The following GABRR1 variants were observed in gnomAD, a reference collection of about 807,000 sequenced individuals.
The protein encoded by GABRR1 is gamma-aminobutyric acid type A receptor subunit rho1.
A neutral mutation model predicts 55.5 loss-of-function variants in GABRR1; 59 were observed. The observed-to-expected ratio is 1.06, with a 90% CI of 0.86 to 1.32. GABRR1 has a LOEUF of 1.32. Among genes scored for constraint, GABRR1 ranks in the 40% most tolerant of loss-of-function variants. The pLI, the probability that GABRR1 is intolerant of heterozygous loss-of-function variation, is 0.00. For missense variants in GABRR1, 602 were observed against 619.1 expected, an observed-to-expected ratio of 0.97 and a Z score of 0.29; for synonymous variants, 213 against 226.0, an observed-to-expected ratio of 0.94 and a Z score of 0.51.
intron 1 of GABRR1, among the ~76,000 whole-genome samples, chr6:89,211,031 G>C (rs1357601411): frequency 6.6e-6 from 1 of 152,130 alleles, no homozygotes. Context: ...ATGGTGTTGT[G>C]AGCATGGGAG....
chr6:89,198,162 T>C lies in GABRR1; in HGVS notation c.430A>G (p.Thr144Ala). 1 of 1,613,952 alleles carries C rather than the reference T, an allele frequency of 6.2e-7. No homozygotes were observed. The highest frequency in any genetic ancestry group is 1.1e-5 in the South Asian group (1 of 91,062). Residue 144 changes from threonine (T) to alanine (A), a missense_variant, in exon 5 of 10, where the codon ACG becomes GCG. Thr to Ala is a moderately conservative substitution (Grantham distance 58). Around this residue, in one of 3 missense-constraint regions of GABRR1, gnomAD observed 435 missense variants for 424.2 expected, o/e 1.03. Coordinates refer to ENST00000454853, the MANE Select transcript of GABRR1 (RefSeq NM_002042.5). ...TTCTTGACCAGCCGGCCGTCAAACG[T>C]CATGCTGAGGTTGTTGGTGCTTGGA... ...SFPSTNNLSM[T>A]FDGRLVKKIW...
intron 5 of GABRR1, among the ~76,000 whole-genome samples, chr6:89,196,822 G>GGAAAGAAAGAAAGAAAGAAAGAAAGAAA (rs59446411): frequency 5.5e-5 from 5 of 91,062 alleles, no homozygotes; most frequent in East Asian, 3.6e-4. Flanking sequence ...AAGAAAAGAA[G>GGAAAGAAAGAAAGAAAGAAAGAAAGAAA]GAAAGAAAGA....
chr6:89,229,115 G>A (rs1282818648), intron 1 of GABRR1, among the ~76,000 whole-genome samples: 1 of 151,928 alleles, frequency 6.6e-6, no homozygotes, highest in African/African-American at 2.4e-5. Flanking sequence ...CATTTGCTTG[G>A]TAGATCTTCC....
chr6:89,217,404 T>C, upstream of GABRR1: 1 of 1,492,776 alleles, frequency 6.7e-7, no homozygotes, highest in African/African-American at 1.4e-5. Context: ...ACATTATTGG[T>C]CTGTTCATTA....
At chr6:89,209,053 G>GCTACTGC (rs1033509726) in intron 1 of GABRR1, among the ~76,000 whole-genome samples, 37 of 152,236 alleles carry the variant, frequency 2.4e-4, no homozygotes, top group African/African-American at 7.7e-4. Context: ...GCCCTGGCCT[G>GCTACTGC]CTACTGCCTT....
intron 2 of GABRR1, among the ~76,000 whole-genome samples, 154 bp downstream of exon 2, chr6:89,203,281 C>T (rs1200705841): frequency 2.6e-5 from 4 of 152,172 alleles, no homozygotes; most frequent in Admixed American, 2.6e-4. Flanking sequence ...CCCCTGACTG[C>T]CGTCTCCTTT....
At chr6:89,191,060 T>C (rs929976393) in intron 5 of GABRR1, among the ~76,000 whole-genome samples, 1 of 152,262 alleles carries the variant, frequency 6.6e-6, no homozygotes, top group African/African-American at 2.4e-5. Context: ...TTGTGGAAAT[T>C]ATATGAATAA....
rs781303666 is a variant in GABRR1, at chr6:89,198,127, G to A, written c.465C>T (p.Val155=). 2 of 1,614,056 alleles carry A rather than the reference G, an allele frequency of 1.2e-6. No homozygotes were observed. The highest frequency in any genetic ancestry group is 1.7e-6 in the Non-Finnish European group (2 of 1,179,998). The change falls in exon 5 of 10, where the codon GTC becomes GTT. Residue 155 remains valine, a synonymous_variant. Coordinates refer to ENST00000454853, the MANE Select transcript of GABRR1 (RefSeq NM_002042.5). ...FDGRLVKKIW[V]PDMFFVHSKR... is the part of the protein sequence containing the mutation. Reference sequence around the variant, plus strand: ...TGGAGTGCACGAAAAACATGTCAGGGACCCAGATCTTCTTGACCAGCCGGC... The same window carrying A: ...TGGAGTGCACGAAAAACATGTCAGGAACCCAGATCTTCTTGACCAGCCGGC...
At chr6:89,181,793 A>G (rs982235309) in intron 8 of GABRR1, 112 bp downstream of exon 8, 4 of 1,100,986 alleles carry the variant, frequency 3.6e-6, no homozygotes. Context: ...TTTCCAAGTC[A>G]TAACGCCAAA....
At chr6:89,224,466 G>T (rs566926439) in intron 1 of GABRR1, among the ~76,000 whole-genome samples, 1 of 152,246 alleles carries the variant, frequency 6.6e-6, no homozygotes, top group South Asian at 2.1e-4. Flanking sequence ...TTGGCCATTT[G>T]TATGTCTTCT....
rs1446566708 is a variant in GABRR1 at position 89,177,810 on chromosome 6, A to T, written c.*960T>A. ...ATCTTCCCATTTATTTTGCTTTCCG[A>T]TGTTCTTTTTCTCTTAAGAAACCAT... is the stretch of plus-strand genomic sequence containing the variant. On this transcript the variant is annotated 3_prime_UTR_variant, in exon 10 of 10. Coordinates refer to ENST00000454853, the MANE Select transcript of GABRR1 (RefSeq NM_002042.5). The T allele has an allele frequency of 2.0e-5, 3 of 152,060 alleles. No individual in the cohort carries two copies. The highest frequency in any genetic ancestry group is 6.6e-5 in the Admixed American group (1 of 15,264). 9.4% of individuals were successfully genotyped at this position (152,060 alleles called of 1,614,324 possible).
At chr6:89,203,324 A>C in intron 2 of GABRR1, 111 bp downstream of exon 2, 2 of 985,604 alleles carry the variant, frequency 2.0e-6, no homozygotes, top group South Asian at 1.3e-5. Context: ...CCCACCCTCC[A>C]CTTTCTGATC....
At chr6:89,208,827 C>T (rs940752296) in intron 1 of GABRR1, among the ~76,000 whole-genome samples, 6 of 152,230 alleles carry the variant, frequency 3.9e-5, no homozygotes, top group Admixed American at 1.3e-4. Flanking sequence ...TGATACAGTG[C>T]GAACACTCCT....
intron 1 of GABRR1, among the ~76,000 whole-genome samples, chr6:89,223,747 A>G (rs1362223555): frequency 6.7e-6 from 1 of 149,450 alleles, no homozygotes; most frequent in Admixed American, 6.6e-5. Context: ...TTGCAGGAGT[A>G]AGGTGGTATT....
intron 9 of GABRR1, among the ~76,000 whole-genome samples, 171 bp downstream of exon 9, chr6:89,180,121 A>C (rs1258839317): frequency 6.6e-6 from 1 of 152,166 alleles, no homozygotes; most frequent in African/African-American, 2.4e-5. Context: ...AGTAAATTTC[A>C]CAATGACTTG....
At chr6:89,224,156 C>G (rs1773159831) in intron 1 of GABRR1, among the ~76,000 whole-genome samples, 1 of 152,100 alleles carries the variant, frequency 6.6e-6, no homozygotes, top group South Asian at 2.1e-4. Context: ...GTGGCATGAT[C>G]TTGGCTCACT....
chr6:89,225,028 G>T (rs188131185), intron 1 of GABRR1, among the ~76,000 whole-genome samples: 19 of 152,202 alleles, frequency 1.2e-4, no homozygotes, highest in African/African-American at 4.3e-4. Flanking sequence ...TGATCCACCC[G>T]CCTTGGCCTC....
chr6:89,207,792 C>G (rs1426335312), intron 1 of GABRR1, among the ~76,000 whole-genome samples: 2 of 152,240 alleles, frequency 1.3e-5, no homozygotes, highest in South Asian at 4.2e-4. Flanking sequence ...TCAGGTGATT[C>G]CAATGTTCAG....
chr6:89,187,614 G>A (rs901856111), intron 6 of GABRR1, among the ~76,000 whole-genome samples: 5 of 151,948 alleles, frequency 3.3e-5, no homozygotes, highest in African/African-American at 9.7e-5. Flanking sequence ...TAACAATAAC[G>A]CCTCATCCCT....
Sources: gnomAD v4.1 joint callset for allele counts (sites outside exome capture counted in the v4.1 genomes callset) on GRCh38, gnomAD v4.1.1 for gene constraint, gnomAD v4.1.1 regional missense constraint, MANE v1.5 for transcripts, NCBI Gene and HGNC (gene_info 2026-07-23, HGNC 2026-07-21) for gene names.